CNGA1: variants seen among roughly 807,000 people sequenced by gnomAD.
The protein encoded by CNGA1 is cyclic nucleotide-gated channel alpha-1.
A neutral mutation model predicts 69.7 loss-of-function variants in CNGA1; 53 were observed. That is an observed-to-expected ratio of 0.76 (90% confidence interval 0.61 to 0.96). The LOEUF (loss-of-function observed/expected upper bound fraction) is 0.96, where lower values mean the gene tolerates loss of function less well. CNGA1 is among the 40% of genes least tolerant of loss of function. CNGA1 has a pLI of 0.00. For synonymous variants in CNGA1, 249 were observed against 283.5 expected, an observed-to-expected ratio of 0.88 and a Z score of 1.22; for missense variants, 739 against 811.2, an observed-to-expected ratio of 0.91 and a Z score of 1.08.
At chr4:48,014,555 T>C (rs1715297458) in intron 1 of CNGA1, among the ~76,000 whole-genome samples, 1 of 152,176 alleles carries the variant, frequency 6.6e-6, no homozygotes, top group Non-Finnish European at 1.5e-5. Flanking sequence ...TAAGAGCACA[T>C]ACTTGAAGCC....
chr4:47,992,897 T>C (rs1446667735), intron 2 of CNGA1, among the ~76,000 whole-genome samples: 1 of 152,104 alleles, frequency 6.6e-6, no homozygotes, highest in Non-Finnish European at 1.5e-5. Context: ...GTTTTAATCA[T>C]AAAAGGATGT....
Position 47,937,126 on chromosome 4 carries a change from A to G in CNGA1, c.1356T>C (p.Tyr452=), listed in dbSNP as rs1454988123. The G allele has an allele frequency of 5.6e-6, 9 of 1,614,072 alleles. No homozygotes were observed. Among genetic ancestry groups the G allele is most frequent in the Non-Finnish European group, 7.6e-6 (9 of 1,180,038 alleles). The change falls in exon 11 of 11, where the codon TAT becomes TAC. Residue 452 remains tyrosine (Y), a synonymous_variant. Coordinates refer to ENST00000514170, the MANE Select transcript of CNGA1 (RefSeq NM_001379270.1). ...KTVDEKEVLK[Y]LPDKLRAEIA... is the part of the protein sequence containing the mutation. ...TTTCTGCTCTTAGTTTATCAGGTAG[A>G]TACTTTAAGACTTCTTTCTCATCAA... is the stretch of plus-strand genomic sequence containing the variant.
chr4:47,976,791 T>G (rs1578105036), intron 3 of CNGA1, among the ~76,000 whole-genome samples: 1 of 152,284 alleles, frequency 6.6e-6, no homozygotes, highest in Non-Finnish European at 1.5e-5. Flanking sequence ...TCGTGTAGGT[T>G]GCTGAGGTAT....
intron 3 of CNGA1, chr4:47,971,250 T>C: frequency 3.1e-6 from 1 of 323,556 alleles, no homozygotes; most frequent in Admixed American, 3.8e-5. Context: ...AACAAGAAAG[T>C]GGTAACAGTG....
chr4:48,009,464 C>CAAAA (rs3033844), intron 2 of CNGA1, among the ~76,000 whole-genome samples: 3 of 102,336 alleles, frequency 2.9e-5, no homozygotes, highest in African/African-American at 4.2e-5. Flanking sequence ...GAGTCTGTCT[C>CAAAA]AAAAAAAAAA....
At chr4:47,961,527 G>A (rs759420341) in intron 3 of CNGA1, among the ~76,000 whole-genome samples, 20 of 152,184 alleles carry the variant, frequency 1.3e-4, no homozygotes, top group Non-Finnish European at 2.2e-4. Flanking sequence ...CAGATCACTT[G>A]AGGTCAAGAG....
rs1197786545 is a variant in CNGA1, at chr4:47,943,239, T to C, written c.379A>G (p.Lys127Glu). ...TTTTTCTTCTCTTTGTCCTTTTTCT[T>C]CTTTTTCTTCTCTGGGTCGTTTTTA... is the stretch of plus-strand genomic sequence containing the variant. Reference protein sequence around the residue: ...ENKNDPEKKKKKKDKEKKKKE... With the variant: ...ENKNDPEKKKEKKDKEKKKKE... The change falls in exon 8 of 11, where the codon AAG becomes GAG. Residue 127 changes from lysine (K) to glutamate (E), a missense_variant. Coordinates refer to ENST00000514170, the MANE Select transcript of CNGA1 (RefSeq NM_001379270.1). 11 of 1,592,598 alleles carry C rather than the reference T, an allele frequency of 6.9e-6. No individual in the cohort carries two copies. Among genetic ancestry groups the C allele is most frequent in the South Asian group, 3.4e-5 (3 of 88,094 alleles).
chr4:47,978,983 G>C (rs565529223), intron 3 of CNGA1, among the ~76,000 whole-genome samples: 36 of 152,220 alleles, frequency 2.4e-4, no homozygotes, highest in Non-Finnish European at 4.6e-4. Flanking sequence ...ATAACTGTAA[G>C]CACTTGTCCC....
chr4:48,010,196 G>A (rs1010569514), intron 2 of CNGA1, among the ~76,000 whole-genome samples: 2 of 152,112 alleles, frequency 1.3e-5, no homozygotes, highest in Non-Finnish European at 2.9e-5. Flanking sequence ...ATTGATGATG[G>A]ATGCCAAATC....
chr4:48,002,200 A>G (rs1375867192), intron 2 of CNGA1, among the ~76,000 whole-genome samples: 3 of 152,222 alleles, frequency 2.0e-5, no homozygotes, highest in Non-Finnish European at 2.9e-5. Flanking sequence ...ATAAGAGTAG[A>G]TATCAATTAA....
intron 3 of CNGA1, among the ~76,000 whole-genome samples, chr4:47,954,638 G>A (rs978179668): frequency 4.6e-5 from 7 of 152,236 alleles, no homozygotes; most frequent in African/African-American, 1.7e-4. Flanking sequence ...CTGCAGAGTG[G>A]TGAATGTTCC....
At chr4:47,980,749 C>G (rs1032580801) in intron 3 of CNGA1, among the ~76,000 whole-genome samples, 1 of 152,104 alleles carries the variant, frequency 6.6e-6, no homozygotes, top group Non-Finnish European at 1.5e-5. Context: ...GCTGGGATTA[C>G]AGGTGTGAGC....
chr4:47,995,593 G>T (rs1309146794), intron 2 of CNGA1, among the ~76,000 whole-genome samples: 1 of 150,718 alleles, frequency 6.6e-6, no homozygotes, highest in Non-Finnish European at 1.5e-5. Context: ...TCATCTTTCT[G>T]TGGTGTCTCC....
intron 10 of CNGA1, among the ~76,000 whole-genome samples, chr4:47,940,105 G>C (rs1326034887): frequency 2.6e-5 from 4 of 152,188 alleles, no homozygotes; most frequent in African/African-American, 7.2e-5. Context: ...CACTAGGAAA[G>C]GGATTTGCTC....
chr4:47,936,654 C>T lies in CNGA1; in HGVS notation c.1828G>A (p.Ala610Thr). The T allele has an allele frequency of 6.2e-7, 1 of 1,614,132 alleles. No homozygotes were observed. Among genetic ancestry groups the T allele is most frequent in the Non-Finnish European group, 8.5e-7 (1 of 1,180,022 alleles). ...MKDGLLDLNI[A>T]NAGSDPKDLE... ...TCTTTAGGATCACTGCCAGCATTTG[C>T]AATGTTTAGATCCAGTAGACCATCT... The change falls in exon 11 of 11, where the codon GCA (alanine) becomes ACA (threonine). Residue 610 changes from alanine to threonine, a missense_variant. Coordinates refer to ENST00000514170, the MANE Select transcript of CNGA1 (RefSeq NM_001379270.1).
At chr4:47,944,276 A>G (rs965802940) in intron 6 of CNGA1, among the ~76,000 whole-genome samples, 6 of 152,192 alleles carry the variant, frequency 3.9e-5, no homozygotes, top group South Asian at 2.1e-4. Flanking sequence ...CTGGGTAAGA[A>G]TGACCCAACA....
chr4:47,978,712 A>G (rs1741542914), intron 3 of CNGA1, among the ~76,000 whole-genome samples: 1 of 152,138 alleles, frequency 6.6e-6, no homozygotes, highest in South Asian at 2.1e-4. Context: ...AATTTATAGA[A>G]CAATGTTAAA....
chr4:47,943,380 T>TC lies in CNGA1; in HGVS notation c.319dup (p.Glu107GlyfsTer8). On this transcript the variant is annotated frameshift_variant, in exon 7 of 11. Coordinates refer to ENST00000514170, the MANE Select transcript of CNGA1 (RefSeq NM_001379270.1). LOFTEE classifies it high-confidence loss of function. ...CTTGCCAAAGTCTTACCTCTTCTTT[T>TC]CTTTTTTCTTTTTCTTTTTTTCTTC... 6.6e-7 allele frequency: 1 copy of TC among 1,519,028 alleles called. No homozygotes were observed. The highest frequency in any genetic ancestry group is 8.8e-7 in the Non-Finnish European group (1 of 1,132,436). The allele number at this position is 1,519,028 out of a possible 1,614,324, so 94.1% of individuals were successfully genotyped here.
Position 47,937,264 on chromosome 4 carries a change from A to C in CNGA1, c.1218T>G (p.Phe406Leu), listed in dbSNP as rs1738719290. The C allele has an allele frequency of 6.2e-7, 1 of 1,614,066 alleles. No individual in the cohort carries two copies. Among genetic ancestry groups the C allele is most frequent in the African/African-American group, 1.3e-5 (1 of 75,060 alleles). ...GCTTGATAGCATCAATTCTTGCTTG[A>C]AATTCTGCTCTGGCTGCATTCATGT... ...ISNMNAARAE[F>L]QARIDAIKQY... Residue 406 changes from phenylalanine (F) to leucine (L), a missense_variant, in exon 11 of 11, where the codon TTT becomes TTG. Phe to Leu is a conservative substitution (Grantham distance 22). Coordinates refer to ENST00000514170, the MANE Select transcript of CNGA1 (RefSeq NM_001379270.1).
Sources: gnomAD v4.1 joint callset for allele counts (sites outside exome capture counted in the v4.1 genomes callset) on GRCh38, gnomAD v4.1.1 for gene constraint, MANE v1.5 for transcripts, NCBI Gene and HGNC (gene_info 2026-07-23, HGNC 2026-07-21) for gene names.